LETM1: variants seen among roughly 807,000 people sequenced by gnomAD.
The protein encoded by LETM1 is mitochondrial proton/calcium exchanger protein.
In LETM1, 50 loss-of-function variants were observed where a neutral mutation model predicts 74.5. The observed-to-expected ratio is 0.67, with a 90% CI of 0.53 to 0.85. The LOEUF is 0.85. Ranked by LOEUF, LETM1 falls within the 40% of genes least tolerant of loss-of-function variation. The probability of loss-of-function intolerance (pLI) is 0.00; values close to 1 mark genes in which losing one functional copy is unlikely to be tolerated. For missense variants in LETM1, 824 were observed against 967.8 expected (o/e 0.85, Z 1.97); for synonymous variants, 446 against 407.1 (o/e 1.10, Z -1.15).
At chr4:1,820,145 A>C (rs1253094172) in intron 10 of LETM1, among the ~76,000 whole-genome samples, 1 of 152,212 alleles carries the variant, frequency 6.6e-6, no homozygotes, top group Non-Finnish European at 1.5e-5. Flanking sequence ...TATGTTGCCC[A>C]GGCTGGTCTC....
At position 1,834,857 on chromosome 4, in the gene LETM1, CA is replaced by C; in HGVS notation, c.863del (p.Val288GlyfsTer29). On this transcript the variant is annotated frameshift_variant, in exon 5 of 14. Coordinates refer to ENST00000302787, the MANE Select transcript of LETM1 (RefSeq NM_012318.3). LOFTEE classifies it high-confidence loss of function. This position sits in a 1 kb window ranked among gnomAD's most constrained non-coding sequence, Gnocchi z 5.0. ...AKGSATKDFS[V>X]FFQKIRETGE... ...CGTATCACAGCACCTTCTGGAAAAA[CA>C]CAGAGAAGTCTTTGGTGGCGCTGCC... 1 of 1,614,164 alleles carries C rather than the reference CA, an allele frequency of 6.2e-7. No individual in the cohort carries two copies.
chr4:1,832,837 C>G lies in LETM1; in HGVS notation c.987G>C (p.Leu329=). 1 of 1,614,144 alleles carries G rather than the reference C, an allele frequency of 6.2e-7. No homozygotes were observed. The highest frequency in any genetic ancestry group is 8.5e-7 in the Non-Finnish European group (1 of 1,180,042). Residue 329 remains leucine (L), a synonymous_variant, in exon 6 of 14, where the codon CTG becomes CTC. Coordinates refer to ENST00000302787, the MANE Select transcript of LETM1 (RefSeq NM_012318.3). ...TGGACTGTAGCTCCAGCAGCTTGCA[C>G]AGGGCCACCAGCTGCGGCCGTGTCA... The part of the protein sequence containing the change: ...DNLTRPQLVA[L]CKLLELQSIG...
chr4:1,839,730 A>C lies in LETM1; in HGVS notation c.594+1617T>G, dbSNP rs755515936. 1.3e-3 allele frequency among the ~76,000 whole-genome samples: 198 copies of C among 152,188 alleles called. 7 individuals carry two copies. Among genetic ancestry groups the C allele is most frequent in the Non-Finnish European group, 5.0e-4 (34 of 68,032 alleles). ...CCCAACTTCCTGACTATGGGTTTTA[A>C]GACCCTCCCTAAAGAGGGTTCCGTC... On this transcript the variant is annotated intron_variant, in intron 3 of 13. Coordinates refer to ENST00000302787, the MANE Select transcript of LETM1 (RefSeq NM_012318.3).
intron 1 of LETM1, among the ~76,000 whole-genome samples, chr4:1,852,576 G>A (rs891543475): frequency 1.5e-4 from 23 of 152,126 alleles, no homozygotes; most frequent in South Asian, 2.1e-4. Context: ...TCTATCTAAG[G>A]GCCTGCCTGG....
intron 2 of LETM1, among the ~76,000 whole-genome samples, chr4:1,847,343 T>C (rs761315029): frequency 7.6e-4 from 106 of 139,760 alleles, no homozygotes; most frequent in Non-Finnish European, 1.2e-3. Context: ...AGATCCTGTC[T>C]CAAAAAAAAA....
rs373964081 is a variant in LETM1 at position 1,826,658 on chromosome 4, T to C, written c.1081-975A>G. Among the ~76,000 whole-genome samples, 32 of 152,372 alleles carry C rather than the reference T, an allele frequency of 2.1e-4. No individual in the cohort carries two copies. The South Asian group carries it at 6.6e-3, about 32-fold the overall frequency. On this transcript the variant is annotated intron_variant, in intron 6 of 13. Coordinates refer to ENST00000302787, the MANE Select transcript of LETM1 (RefSeq NM_012318.3). ...GGGTGTGCCGGGTTAGGCCTCTCACTGCCATGCGGCATTCTGCAGCATGCG... is the reference window on the plus strand; with the variant it reads ...GGGTGTGCCGGGTTAGGCCTCTCACCGCCATGCGGCATTCTGCAGCATGCG...
intron 1 of LETM1, among the ~76,000 whole-genome samples, chr4:1,852,529 T>A: frequency 6.6e-6 from 1 of 152,248 alleles, no homozygotes; most frequent in Non-Finnish European, 1.5e-5. Flanking sequence ...GGGCAGGAAG[T>A]TCCCACCCTC....
chr4:1,841,457 T>G lies in LETM1; in HGVS notation c.484A>C (p.Lys162Gln). The G allele has an allele frequency of 5.6e-6, 9 of 1,614,254 alleles. No individual in the cohort carries two copies. The highest frequency in any genetic ancestry group is 7.6e-6 in the Non-Finnish European group (9 of 1,180,046). The part of the protein sequence containing the change: ...SLGQRVLDEL[K>Q]HYYHGFRLLW... Reference sequence around the variant, plus strand: ...AGGCGGAAGCCATGGTAGTAGTGCTTCAGCTCGTCCAGCACCCGCTGCCCC... The same window carrying G: ...AGGCGGAAGCCATGGTAGTAGTGCTGCAGCTCGTCCAGCACCCGCTGCCCC... The change falls in exon 3 of 14, where the codon AAG becomes CAG. Residue 162 changes from lysine (K) to glutamine (Q), a missense_variant. By Grantham distance (53) the Lys-to-Gln change is moderately conservative (BLOSUM62 1). Transcript: ENST00000302787.
intron 2 of LETM1, 113 bp from the exon 3 acceptor site, chr4:1,841,910 C>G: frequency 1.3e-6 from 1 of 755,456 alleles, no homozygotes; most frequent in Non-Finnish European, 2.2e-6. Context: ...TGCCATGTCA[C>G]AACCACACAC....
At chr4:1,848,715 C>CAAA (rs927486416) in intron 2 of LETM1, among the ~76,000 whole-genome samples, 224 of 43,560 alleles carry the variant, frequency 5.1e-3, no homozygotes, top group Non-Finnish European at 6.7e-3. Context: ...GGCTCTGTCT[C>CAAA]AAAAAAAAAA....
intron 3 of LETM1, among the ~76,000 whole-genome samples, chr4:1,837,339 C>T (rs1478495381): frequency 1.3e-5 from 2 of 152,216 alleles, no homozygotes; most frequent in Non-Finnish European, 2.9e-5. Context: ...CCAGCCTCCA[C>T]TCTCATGGGC....
intron 5 of LETM1, chr4:1,833,435 G>C (rs1398644997): frequency 5.7e-6 from 1 of 176,426 alleles, no homozygotes; most frequent in African/African-American, 2.4e-5. Context: ...CTGTCTGCTG[G>C]GGGAGACGCC....
At chr4:1,855,586 G>A (rs1443471104) in intron 1 of LETM1, among the ~76,000 whole-genome samples, 1 of 152,254 alleles carries the variant, frequency 6.6e-6, no homozygotes, top group Non-Finnish European at 1.5e-5. Context: ...GGCGCGCCAG[G>A]GCTGCCCAGC....
rs189984250 is a variant in LETM1 at position 1,833,188 on chromosome 4, T to C, written c.877-241A>G. 2.9e-3 allele frequency: 1,464 copies of C among 508,500 alleles called. 15 individuals carry two copies. Among genetic ancestry groups the C allele is most frequent in the African/African-American group, 0.023 (1,180 of 52,020 alleles). The allele number at this position is 508,500 out of a possible 1,614,324, so 31.5% of individuals were successfully genotyped here. On this transcript the variant is annotated intron_variant, in intron 5 of 13. Transcript: ENST00000302787. ...CTGGGTTCAAGGGATTCTCCTGCCT[T>C]AGCCTCCCGAGTAGCTGGGATTACA... is the stretch of plus-strand genomic sequence containing the variant.
At chr4:1,841,940 C>T (rs1299313289) in intron 2 of LETM1, 143 bp from the exon 3 acceptor site, 9 of 684,488 alleles carry the variant, frequency 1.3e-5, no homozygotes, top group East Asian at 8.1e-5. Context: ...TACTTCCTGA[C>T]GTTTTGCACT....
At position 1,832,695 on chromosome 4, in the gene LETM1, C is replaced by A. The variant is rs11938463; in HGVS notation, c.1080+49G>T. ...ACATGCTGCTTTTATCATCAGGAAA[C>A]GAAAAGGTAAAACACCAGAGCTGTG... On this transcript the variant is annotated intron_variant, in intron 6 of 13. Transcript: ENST00000302787. 0.023 allele frequency: 35,733 copies of A among 1,563,136 alleles called. 4,502 individuals carry two copies. In the African/African-American group the frequency reaches 0.34, roughly 15 times the overall value.
Position 1,844,457 on chromosome 4 carries a change from C to A in LETM1, c.144-2660G>T, listed in dbSNP as rs906357999. Reference sequence around the variant, plus strand: ...TTGGATCGAAAATACTCCAGCAGGGCGCAGTGGCTCACATCTGTAATCCCA... The same window carrying A: ...TTGGATCGAAAATACTCCAGCAGGGAGCAGTGGCTCACATCTGTAATCCCA... On this transcript the variant is annotated intron_variant, in intron 2 of 13. Transcript: ENST00000302787. 4.6e-5 allele frequency among the ~76,000 whole-genome samples: 7 copies of A among 152,184 alleles called. 1 individual carries two copies. The South Asian group carries it at 1.2e-3, about 27-fold the overall frequency.
At chr4:1,852,141 G>A (rs191048940) in intron 1 of LETM1, among the ~76,000 whole-genome samples, 33 of 152,248 alleles carry the variant, frequency 2.2e-4, no homozygotes, top group South Asian at 2.1e-4. Context: ...CACAGGGTAC[G>A]GGCTCAGTCC....
At chr4:1,829,248 G>A (rs1712166330) in intron 6 of LETM1, among the ~76,000 whole-genome samples, 1 of 142,846 alleles carries the variant, frequency 7.0e-6, no homozygotes, top group African/African-American at 2.6e-5. Context: ...TCCCGGACGG[G>A]GCGGCTGGCC....
Sources: gnomAD v4.1 joint callset for allele counts (sites outside exome capture counted in the v4.1 genomes callset) on GRCh38, gnomAD v4.1.1 for gene constraint, Gnocchi (gnomAD v3.1) non-coding constraint, MANE v1.5 for transcripts, NCBI Gene and HGNC (gene_info 2026-07-23, HGNC 2026-07-21) for gene names.